Variants in VWC2L observed in about 807,000 individuals in gnomAD.
VWC2L encodes von Willebrand factor C domain-containing protein 2-like.
In VWC2L, 10 loss-of-function variants were observed where a neutral mutation model predicts 21.6. The observed-to-expected ratio is 0.46, with a 90% confidence interval of 0.29 to 0.78. The LOEUF (loss-of-function observed/expected upper bound fraction) is 0.78. Ranked by LOEUF, VWC2L falls within the 30% of genes least tolerant of loss-of-function variation. The probability of loss-of-function intolerance (pLI) is 0.10; values close to 1 mark genes in which losing one functional copy is unlikely to be tolerated. For synonymous variants in VWC2L, 96 were observed against 94.3 expected, an observed-to-expected ratio of 1.02 and a Z score of -0.10; for missense variants, 209 against 277.1, an observed-to-expected ratio of 0.75 and a Z score of 1.74.
At chr2:214,456,024 T>C (rs1243098124) in intron 3 of VWC2L, among the ~76,000 whole-genome samples, 4 of 152,204 alleles carry the variant, frequency 2.6e-5, no homozygotes, top group Admixed American at 6.5e-5. Context: ...CCCTTTGATA[T>C]ACTGATTTCC....
intron 3 of VWC2L, among the ~76,000 whole-genome samples, chr2:214,445,732 T>C (rs7597396): frequency 1 from 151,966 of 151,980 alleles, 75,976 homozygotes; most frequent in Non-Finnish European, 1. Flanking sequence ...GCAACAAGTA[T>C]ATATTATCCT....
chr2:214,570,701 T>G (rs1029273760), intron 3 of VWC2L, among the ~76,000 whole-genome samples: 1 of 145,396 alleles, frequency 6.9e-6, no homozygotes, highest in Non-Finnish European at 1.5e-5. Flanking sequence ...AAAAAAAAAG[T>G]TTTCATGTGT....
intron 3 of VWC2L, among the ~76,000 whole-genome samples, chr2:214,465,410 G>T (rs552580878): frequency 2.0e-5 from 3 of 152,304 alleles, no homozygotes; most frequent in African/African-American, 7.2e-5. Context: ...CTGACTCAGG[G>T]TGTGTCTAGA....
At chr2:214,510,236 T>C (rs941407473) in intron 3 of VWC2L, 1 of 152,232 alleles carries the variant, frequency 6.6e-6, no homozygotes, top group African/African-American at 2.4e-5. Context: ...TTGATTATCA[T>C]AGATTGTGAT....
intron 3 of VWC2L, among the ~76,000 whole-genome samples, chr2:214,508,240 A>C (rs1406874101): frequency 6.6e-6 from 1 of 152,088 alleles, no homozygotes; most frequent in East Asian, 1.9e-4. Context: ...TCCCAAAGTG[A>C]TGGGATTACA....
chr2:214,516,234 A>G (rs1559314993), intron 3 of VWC2L, among the ~76,000 whole-genome samples: 2 of 151,628 alleles, frequency 1.3e-5, no homozygotes, highest in African/African-American at 4.8e-5. Context: ...TGATCAACAC[A>G]TCACTCTTCT....
intron 3 of VWC2L, among the ~76,000 whole-genome samples, chr2:214,450,712 G>A (rs1426976560): frequency 1.3e-5 from 2 of 152,258 alleles, no homozygotes. Flanking sequence ...GAGTCAGGGG[G>A]CAACAGGTGC....
At chr2:214,536,975 TACACACACACAC>T (rs66826019) in intron 3 of VWC2L, 7 of 149,726 alleles carry the variant, frequency 4.7e-5, no homozygotes, top group African/African-American at 1.5e-4. Context: ...AATTATTTCC[TACACACACACAC>T]ACACACACAC....
In VWC2L at chr2:214,506,456, A is replaced by C. The variant is rs1688968971; in HGVS notation, c.521-69216A>C. On this transcript the variant is annotated intron_variant, in intron 3 of 3. Transcript: ENST00000312504. The stretch of plus-strand genomic sequence containing the variant: ...TATATCATTATTAAGAATTTCTTAA[A>C]ATCTTAATTCCCAGTGTTTGAAGAT... Among the ~76,000 whole-genome samples the C allele has an allele frequency of 2.0e-5, 3 of 152,150 alleles. No individual in the cohort carries two copies. The South Asian group carries it at 6.2e-4, about 32-fold the overall frequency.
chr2:214,526,180 C>T (rs981788733), intron 3 of VWC2L, among the ~76,000 whole-genome samples: 10 of 151,152 alleles, frequency 6.6e-5, no homozygotes, highest in Non-Finnish European at 1.2e-4. Context: ...TAATATTTTC[C>T]AAAGCAGACA....
chr2:214,492,510 A>C (rs1688758795), intron 3 of VWC2L, among the ~76,000 whole-genome samples: 1 of 152,232 alleles, frequency 6.6e-6, no homozygotes, highest in Non-Finnish European at 1.5e-5. Context: ...TACCTGTGAG[A>C]CACAGAATAA....
chr2:214,539,410 T>G (rs1224634825), intron 3 of VWC2L, among the ~76,000 whole-genome samples: 1 of 152,202 alleles, frequency 6.6e-6, no homozygotes, highest in African/African-American at 2.4e-5. Context: ...TAGTTGACTG[T>G]CAGTATAGTT....
intron 3 of VWC2L, among the ~76,000 whole-genome samples, chr2:214,560,728 G>C (rs1016958033): frequency 2.0e-5 from 3 of 152,038 alleles, no homozygotes; most frequent in Admixed American, 6.6e-5. Flanking sequence ...CAGTAAGTGA[G>C]GTCATTAAAG....
chr2:214,523,774 G>T (rs1368465365), intron 3 of VWC2L, among the ~76,000 whole-genome samples: 1 of 152,136 alleles, frequency 6.6e-6, no homozygotes, highest in Non-Finnish European at 1.5e-5. Flanking sequence ...GTTCAAGGCT[G>T]CAGTGAGCCG....
intron 3 of VWC2L, among the ~76,000 whole-genome samples, chr2:214,519,333 T>A (rs184917229): frequency 6.6e-6 from 1 of 152,118 alleles, no homozygotes; most frequent in African/African-American, 2.4e-5. Flanking sequence ...TATAAGATGA[T>A]AAAACACAGT....
intron 2 of VWC2L, among the ~76,000 whole-genome samples, chr2:214,417,688 G>A (rs1702377947): frequency 6.6e-6 from 1 of 152,250 alleles, no homozygotes; most frequent in South Asian, 2.1e-4. Flanking sequence ...TGTGTCGGTG[G>A]AGAGTGGATG....
chr2:214,466,806 T>A (rs1703224523), intron 3 of VWC2L, among the ~76,000 whole-genome samples: 2 of 152,312 alleles, frequency 1.3e-5, no homozygotes, highest in East Asian at 3.9e-4. Flanking sequence ...TCTACTTAGG[T>A]TTTGTGAATA....
At chr2:214,559,525 A>C (rs1408982714) in intron 3 of VWC2L, among the ~76,000 whole-genome samples, 1 of 151,504 alleles carries the variant, frequency 6.6e-6, no homozygotes, top group African/African-American at 2.4e-5. Flanking sequence ...TTCTTAAGGC[A>C]CCCGTCTTGG....
chr2:214,486,964 G>A (rs890872942), intron 3 of VWC2L, among the ~76,000 whole-genome samples: 8 of 152,184 alleles, frequency 5.3e-5, no homozygotes, highest in African/African-American at 1.9e-4. Context: ...TTTGGAAATA[G>A]GGTCTGTAAA....
Sources: gnomAD v4.1 joint callset for allele counts (sites outside exome capture counted in the v4.1 genomes callset) on GRCh38, gnomAD v4.1.1 for gene constraint, MANE v1.5 for transcripts, NCBI Gene and HGNC (gene_info 2026-07-23, HGNC 2026-07-21) for gene names.